The following SDK2 variants were observed in gnomAD, a reference collection of about 807,000 sequenced individuals.
The protein encoded by SDK2 is sidekick cell adhesion molecule 2, also known as protein sidekick-2.
In SDK2, 105 loss-of-function variants were observed where a neutral mutation model predicts 253.9. The observed-to-expected ratio is 0.41, with a 90% CI of 0.35 to 0.49. SDK2 has a LOEUF of 0.49. Among genes scored for constraint, SDK2 ranks in the 20% least tolerant of loss-of-function variants. SDK2 has a pLI of 0.06. For missense variants in SDK2, 2,608 were observed against 3,003.0 expected (o/e 0.87, Z 3.07); for synonymous variants, 1,249 against 1,234.9 (o/e 1.01, Z -0.24).
intron 2 of SDK2, among the ~76,000 whole-genome samples, chr17:73,500,298 C>A (rs2063878429): frequency 6.9e-6 from 1 of 145,084 alleles, no homozygotes; most frequent in Admixed American, 6.8e-5. Flanking sequence ...CCTTCCATCT[C>A]CTCCATCCTT....
intron 12 of SDK2, among the ~76,000 whole-genome samples, chr17:73,426,349 G>A (rs1244736177): frequency 6.6e-6 from 1 of 151,162 alleles, no homozygotes; most frequent in African/African-American, 2.4e-5. Context: ...TTACAGGCTT[G>A]AGCCACCACG....
At chr17:73,592,503 C>T (rs543890389) in intron 1 of SDK2, among the ~76,000 whole-genome samples, 1 of 152,294 alleles carries the variant, frequency 6.6e-6, no homozygotes, top group South Asian at 2.1e-4. Flanking sequence ...GACTTCTTCC[C>T]CATGCCCCCG....
chr17:73,387,249 C>T (rs1002080905), intron 30 of SDK2, among the ~76,000 whole-genome samples: 6 of 152,210 alleles, frequency 3.9e-5, no homozygotes, highest in Non-Finnish European at 8.8e-5. Flanking sequence ...CGTAAGCCAC[C>T]GCTCCTGGCC....
chr17:73,634,973 C>A (rs2046312410), intron 1 of SDK2, among the ~76,000 whole-genome samples: 1 of 151,712 alleles, frequency 6.6e-6, no homozygotes, highest in Non-Finnish European at 1.5e-5. Context: ...AGGGAGTCAC[C>A]CGCATTTCAG....
Position 73,379,430 on chromosome 17 carries a change from A to C in SDK2, c.4864+18T>G. The C allele has an allele frequency of 6.3e-7, 1 of 1,576,680 alleles. No homozygotes were observed. The highest frequency in any genetic ancestry group is 8.7e-7 in the Non-Finnish European group (1 of 1,153,984). ...TGGGAAAGGCATGCTGGGGCCGGAC[A>C]GGGCGGGCGCTGCTCACCTGCCTCC... On this transcript the variant is annotated intron_variant, in intron 35 of 44. Transcript: ENST00000392650. The surrounding 1 kb of genome is among the most constrained non-coding windows in gnomAD (Gnocchi z 4.5).
At chr17:73,405,058 G>A (rs894028959) in intron 18 of SDK2, among the ~76,000 whole-genome samples, 1 of 148,602 alleles carries the variant, frequency 6.7e-6, no homozygotes, top group Non-Finnish European at 1.5e-5. Context: ...GGGAGGAGCA[G>A]GTGAAATGTC....
At chr17:73,397,322 A>C (rs1260700402) in intron 24 of SDK2, among the ~76,000 whole-genome samples, 3 of 152,192 alleles carry the variant, frequency 2.0e-5, no homozygotes, top group Non-Finnish European at 2.9e-5. Flanking sequence ...CCTGTTCTCC[A>C]GAGGATGAGA....
intron 2 of SDK2, among the ~76,000 whole-genome samples, chr17:73,476,486 G>T (rs917775012): frequency 8.5e-5 from 13 of 152,302 alleles, no homozygotes; most frequent in Admixed American, 8.5e-4. Flanking sequence ...AAAATAAAAA[G>T]ATGCACATTG....
At chr17:73,608,601 C>A (rs2045936372) in intron 1 of SDK2, among the ~76,000 whole-genome samples, 1 of 152,116 alleles carries the variant, frequency 6.6e-6, no homozygotes, top group Admixed American at 6.5e-5. Flanking sequence ...CACCACCACG[C>A]CCAGATAATT....
In SDK2 at chr17:73,361,455, G is replaced by T. The variant is rs1325042105; in HGVS notation, c.5467+229C>A. On this transcript the variant is annotated intron_variant, in intron 39 of 44. Transcript: ENST00000392650. The surrounding 1 kb of genome is among the most constrained non-coding windows in gnomAD (Gnocchi z 4.1). ...CTGGGCCTAAGTGGGAGAGGAGGGG[G>T]CGCTGCTCCAGGGTTTGTGGCTTGA... Among the ~76,000 whole-genome samples the T allele has an allele frequency of 6.6e-6, 1 of 152,152 alleles. No individual in the cohort carries two copies. Among genetic ancestry groups the T allele is most frequent in the African/African-American group, 2.4e-5 (1 of 41,426 alleles).
At chr17:73,544,934 C>A (rs78961407) in intron 1 of SDK2, among the ~76,000 whole-genome samples, 4 of 152,180 alleles carry the variant, frequency 2.6e-5, no homozygotes, top group South Asian at 2.1e-4. Context: ...ATTCCCTGGA[C>A]CTGTCTTCTG....
At chr17:73,572,866 T>A (rs747477184) in intron 1 of SDK2, among the ~76,000 whole-genome samples, 8 of 152,194 alleles carry the variant, frequency 5.3e-5, no homozygotes, top group Non-Finnish European at 8.8e-5. Flanking sequence ...TTATCTTTCA[T>A]CTGAGATACT....
intron 1 of SDK2, among the ~76,000 whole-genome samples, chr17:73,576,931 T>G (rs1016178712): frequency 6.6e-6 from 1 of 152,190 alleles, no homozygotes; most frequent in Admixed American, 6.5e-5. Flanking sequence ...CAGGATGCCA[T>G]GGGAATCGCC....
chr17:73,356,928 C>A (rs1412610239), intron 40 of SDK2, among the ~76,000 whole-genome samples: 1 of 152,230 alleles, frequency 6.6e-6, no homozygotes, highest in Non-Finnish European at 1.5e-5. Context: ...GCCAACATTC[C>A]ACAGCCTGGC....
chr17:73,442,663 A>G (rs948098498), intron 5 of SDK2, among the ~76,000 whole-genome samples: 14 of 152,144 alleles, frequency 9.2e-5, no homozygotes, highest in Non-Finnish European at 1.8e-4. Flanking sequence ...CTTGACGACC[A>G]CCTCTCCTCC....
chr17:73,533,005 G>A (rs76966892), intron 1 of SDK2, among the ~76,000 whole-genome samples: 2,291 of 152,286 alleles, frequency 0.015, 63 homozygotes, highest in African/African-American at 0.051. Flanking sequence ...TCCCCTTTCA[G>A]GATCCATCTT....
chr17:73,539,437 AG>A (rs2044830294), intron 1 of SDK2, among the ~76,000 whole-genome samples: 1 of 135,372 alleles, frequency 7.4e-6, no homozygotes, highest in African/African-American at 2.7e-5. Context: ...CACAGCCAGG[AG>A]TGGGCAGAGG....
At chr17:73,468,077 T>C (rs1482624048) in intron 3 of SDK2, among the ~76,000 whole-genome samples, 1 of 152,070 alleles carries the variant, frequency 6.6e-6, no homozygotes, top group African/African-American at 2.4e-5. Flanking sequence ...TCTGGGGCTT[T>C]GAGGGGGCTG....
In SDK2 at chr17:73,616,012, GAC is replaced by G. The variant is rs1599728818; in HGVS notation, c.64+28011_64+28012del. On this transcript the variant is annotated intron_variant, in intron 1 of 44. Transcript: ENST00000392650. The surrounding 1 kb of genome is among the most constrained non-coding windows in gnomAD (Gnocchi z 5.2). ...ATACACGTACACACGCATGCATGTA[GAC>G]ACATATGCATATACACATGAACACA... 6.6e-6 allele frequency among the ~76,000 whole-genome samples: 1 copy of G among 151,950 alleles called. No individual in the cohort carries two copies. Among genetic ancestry groups the G allele is most frequent in the Non-Finnish European group, 1.5e-5 (1 of 67,998 alleles).
Sources: allele counts gnomAD v4.1 joint callset (sites outside exome capture counted in the v4.1 genomes callset), GRCh38; gene constraint gnomAD v4.1.1; non-coding constraint Gnocchi (gnomAD v3.1); transcripts MANE v1.5; gene names NCBI Gene and HGNC (gene_info 2026-07-23, HGNC 2026-07-21).